The following KIAA1328 variants were observed in gnomAD, a reference collection of about 807,000 sequenced individuals.
The protein encoded by KIAA1328 is KIAA1328.
Under a neutral mutation model 68.1 loss-of-function variants are expected in KIAA1328, and 52 were observed. That is an observed-to-expected ratio of 0.76 (90% confidence interval 0.61 to 0.96). KIAA1328 has a LOEUF of 0.96. Ranked by LOEUF, KIAA1328 falls within the 40% of genes least tolerant of loss-of-function variation. KIAA1328 has a pLI of 0.00. For synonymous variants in KIAA1328, 232 were observed against 239.4 expected (o/e 0.97, Z 0.28); for missense variants, 641 against 677.6 (o/e 0.95, Z 0.60).
chr18:37,067,128 A>C lies in KIAA1328; in HGVS notation c.815A>C (p.Glu272Ala). ...TCAGAGACCACAACATGTAATTGTGAATCTCCAGGGAGAAAACCTGCAGTC... is the reference window on the plus strand; with the variant it reads ...TCAGAGACCACAACATGTAATTGTGCATCTCCAGGGAGAAAACCTGCAGTC... ...IPSETTTCNCESPGRKPAVPT... is the reference protein window; with the variant it reads ...IPSETTTCNCASPGRKPAVPT... Residue 272 changes from glutamate (E) to alanine (A), a missense_variant, in exon 7 of 10, where the codon GAA becomes GCA. Coordinates refer to ENST00000280020, the MANE Select transcript of KIAA1328 (RefSeq NM_020776.3). The C allele has an allele frequency of 6.2e-7, 1 of 1,614,034 alleles. No homozygotes were observed. Among genetic ancestry groups the C allele is most frequent in the Non-Finnish European group, 8.5e-7 (1 of 1,179,892 alleles).
Position 37,163,886 on chromosome 18 carries a change from T to C in KIAA1328, c.1414+3505T>C, listed in dbSNP as rs76103256. 5.5e-3 allele frequency among the ~76,000 whole-genome samples: 844 copies of C among 152,342 alleles called. 3 individuals carry two copies. Among genetic ancestry groups the C allele is most frequent in the Middle Eastern group, 0.014 (4 of 294 alleles). On this transcript the variant is annotated intron_variant, in intron 8 of 9. Coordinates refer to ENST00000280020, the MANE Select transcript of KIAA1328 (RefSeq NM_020776.3). ...CAGCTGAAGATATGCTAAAAGTTGATGTCTTTATCAACAGCACATAGTATG... is the reference window on the plus strand; with the variant it reads ...CAGCTGAAGATATGCTAAAAGTTGACGTCTTTATCAACAGCACATAGTATG...
At chr18:36,985,129 C>T (rs549531556) in intron 6 of KIAA1328, among the ~76,000 whole-genome samples, 1 of 151,852 alleles carries the variant, frequency 6.6e-6, no homozygotes, top group East Asian at 1.9e-4. Context: ...CAGCCAGACC[C>T]TTTCTCTCCA....
chr18:36,860,352 G>A (rs2150884297), intron 4 of KIAA1328, among the ~76,000 whole-genome samples: 1 of 152,168 alleles, frequency 6.6e-6, no homozygotes, highest in Middle Eastern at 3.4e-3. Flanking sequence ...TTTCTGAGAA[G>A]TTTTAAAGTT....
intron 8 of KIAA1328, among the ~76,000 whole-genome samples, chr18:37,169,507 G>C (rs78170669): frequency 1.4e-5 from 2 of 143,248 alleles, no homozygotes; most frequent in South Asian, 4.4e-4. Flanking sequence ...TATTGTGTGT[G>C]TGTGTCTGTG....
chr18:37,225,784 TCAGA>T (rs1392750537), downstream of KIAA1328, among the ~76,000 whole-genome samples: 2 of 152,174 alleles, frequency 1.3e-5, no homozygotes, highest in African/African-American at 2.4e-5. Flanking sequence ...TGGATTCAAC[TCAGA>T]CAGAGACCCT....
At chr18:37,057,206 C>T (rs2055946249) in intron 6 of KIAA1328, among the ~76,000 whole-genome samples, 1 of 152,012 alleles carries the variant, frequency 6.6e-6, no homozygotes, top group Admixed American at 6.6e-5. Context: ...TTATTTAATG[C>T]CTATTCATAG....
intron 5 of KIAA1328, among the ~76,000 whole-genome samples, chr18:36,904,428 G>C (rs564352392): frequency 6.6e-6 from 1 of 152,080 alleles, no homozygotes; most frequent in South Asian, 2.1e-4. Flanking sequence ...CAAAGTTTGA[G>C]ATTATTATCT....
rs34096013 is a variant in KIAA1328 at position 36,913,543 on chromosome 18, T to TAC, written c.448+27896_448+27897dup. ...ACACACTTAGAGGAAAGCAACTGCC[T>TAC]ACACACACACACACACACACACACA... On this transcript the variant is annotated intron_variant, in intron 5 of 9. Transcript: ENST00000280020. Among the ~76,000 whole-genome samples the TAC allele has an allele frequency of 4.1e-3, 538 of 131,490 alleles. 9 individuals are homozygous for TAC. The highest frequency in any genetic ancestry group is 0.011 in the African/African-American group (384 of 36,314). 86.3% of individuals were successfully genotyped at this position (131,490 alleles called of 152,430 possible).
At chr18:36,840,245 A>G (rs113100394) in intron 3 of KIAA1328, among the ~76,000 whole-genome samples, 2,063 of 152,226 alleles carry the variant, frequency 0.014, 27 homozygotes, top group Non-Finnish European at 0.02. Context: ...CTGCTATCCA[A>G]TGAAAACTAT....
intron 6 of KIAA1328, among the ~76,000 whole-genome samples, chr18:37,014,162 A>G (rs1471109501): frequency 6.6e-6 from 1 of 152,182 alleles, no homozygotes; most frequent in Non-Finnish European, 1.5e-5. Context: ...GTGTCCATTC[A>G]TGTCTTTTGC....
At chr18:37,023,709 G>C (rs752900686) in intron 6 of KIAA1328, among the ~76,000 whole-genome samples, 1 of 152,208 alleles carries the variant, frequency 6.6e-6, no homozygotes, top group African/African-American at 2.4e-5. Flanking sequence ...CACTTTGGCA[G>C]CAGAGTGGCA....
intron 9 of KIAA1328, among the ~76,000 whole-genome samples, chr18:37,181,749 C>T (rs1012667574): frequency 6.6e-5 from 10 of 152,120 alleles, no homozygotes; most frequent in African/African-American, 2.2e-4. Flanking sequence ...AATTCTACTC[C>T]TTGGCTTCAG....
At chr18:37,194,475 A>G (rs1201466067) in intron 9 of KIAA1328, among the ~76,000 whole-genome samples, 2 of 151,990 alleles carry the variant, frequency 1.3e-5, no homozygotes, top group African/African-American at 4.8e-5. Context: ...CCTTTTTGTA[A>G]TATGTCAAAA....
chr18:36,884,879 G>A (rs1328543286), intron 4 of KIAA1328, among the ~76,000 whole-genome samples: 5 of 152,008 alleles, frequency 3.3e-5, no homozygotes, highest in Non-Finnish European at 7.4e-5. Context: ...TTCTCTCTGT[G>A]CTCTTGTCAG....
At chr18:36,960,676 C>T (rs1598829216) in intron 6 of KIAA1328, among the ~76,000 whole-genome samples, 1 of 152,314 alleles carries the variant, frequency 6.6e-6, no homozygotes, top group East Asian at 1.9e-4. Flanking sequence ...CAAACAGGGT[C>T]TGGAGTGGAC....
chr18:36,973,828 C>T (rs1384616639), intron 6 of KIAA1328, among the ~76,000 whole-genome samples: 1 of 120,624 alleles, frequency 8.3e-6, no homozygotes, highest in African/African-American at 3.7e-5. Flanking sequence ...CACACACACA[C>T]ATACACACAC....
intron 5 of KIAA1328, among the ~76,000 whole-genome samples, chr18:36,953,399 T>C (rs1187806238): frequency 1.4e-5 from 2 of 141,740 alleles, no homozygotes; most frequent in African/African-American, 2.9e-5. Flanking sequence ...GATAGATAGA[T>C]AGATAGATAG....
At chr18:37,116,679 A>G (rs1458309344) in intron 7 of KIAA1328, among the ~76,000 whole-genome samples, 3 of 152,222 alleles carry the variant, frequency 2.0e-5, no homozygotes, top group African/African-American at 7.2e-5. Context: ...ATTAAACTAA[A>G]GAGCTTCTGC....
chr18:37,097,553 G>T (rs1028440681), intron 7 of KIAA1328, among the ~76,000 whole-genome samples: 2 of 152,176 alleles, frequency 1.3e-5, no homozygotes, highest in Non-Finnish European at 2.9e-5. Flanking sequence ...ACTTGGTAAT[G>T]TGGGCTCTTT....
Sources: gnomAD v4.1 joint callset for allele counts (sites outside exome capture counted in the v4.1 genomes callset) on GRCh38, gnomAD v4.1.1 for gene constraint, MANE v1.5 for transcripts, NCBI Gene and HGNC (gene_info 2026-07-23, HGNC 2026-07-21) for gene names.